SH3RF3: variants seen among roughly 807,000 people sequenced by gnomAD.
The protein encoded by SH3RF3 is SH3 domain containing ring finger 3.
SH3RF3 carries 29 observed loss-of-function variants against 66.3 expected under a neutral mutation model. The ratio of observed to expected loss-of-function variants is 0.44; its 90% CI spans 0.33 to 0.60. The LOEUF (loss-of-function observed/expected upper bound fraction) is 0.60, where lower values mean the gene tolerates loss of function less well. SH3RF3 is among the 20% of genes least tolerant of loss of function. SH3RF3 has a pLI of 0.04. For missense variants in SH3RF3, 1,194 were observed against 1,190.9 expected, an observed-to-expected ratio of 1.00 and a Z score of -0.04; for synonymous variants, 583 against 532.0, an observed-to-expected ratio of 1.10 and a Z score of -1.32.
At chr2:109,161,715 G>A (rs1335912662) in intron 1 of SH3RF3, among the ~76,000 whole-genome samples, 1 of 151,898 alleles carries the variant, frequency 6.6e-6, no homozygotes, top group Non-Finnish European at 1.5e-5. Context: ...GCCGGGAGCA[G>A]GACATGCCAG....
rs758658453 is a variant in SH3RF3, at chr2:109,263,216, G to A, written c.574-84458G>A. ...TTCATACTATCTTTTATAATGACCC[G>A]GCTGTCTTTACTAGTGCTCTTTGTC... On this transcript the variant is annotated intron_variant, in intron 1 of 9. Coordinates refer to ENST00000309415, the MANE Select transcript of SH3RF3 (RefSeq NM_001099289.3). Among the ~76,000 whole-genome samples, 13 of 152,070 alleles carry A rather than the reference G, an allele frequency of 8.5e-5. No individual in the cohort carries two copies. The South Asian group carries it at 1.7e-3, about 19-fold the overall frequency.
At chr2:109,192,224 C>T (rs2105027073) in intron 1 of SH3RF3, among the ~76,000 whole-genome samples, 1 of 152,306 alleles carries the variant, frequency 6.6e-6, no homozygotes, top group Admixed American at 6.5e-5. Context: ...ATGATTCTGT[C>T]TGTATCTAAG....
intron 1 of SH3RF3, among the ~76,000 whole-genome samples, chr2:109,316,899 A>T (rs145544601): frequency 1.3e-5 from 2 of 152,332 alleles, no homozygotes; most frequent in East Asian, 3.9e-4. Context: ...GGAAGTATAC[A>T]GTGCGTAGCC....
chr2:109,454,922 G>GA lies in SH3RF3; in HGVS notation c.2148+5444dup, dbSNP rs559267751. ...CTTATGGGAAATTCTTTATGGGCCA[G>GA]AAAAAAAAAAAGTTAACTCTCTCTT... On this transcript the variant is annotated intron_variant, in intron 8 of 9. Coordinates refer to ENST00000309415, the MANE Select transcript of SH3RF3 (RefSeq NM_001099289.3). 1.5e-3 allele frequency among the ~76,000 whole-genome samples: 218 copies of GA among 144,494 alleles called. 1 individual carries two copies. The highest frequency in any genetic ancestry group is 9.6e-3 in the South Asian group (44 of 4,586). The allele number at this position is 144,494 out of a possible 152,430, so 94.8% of individuals were successfully genotyped here.
chr2:109,319,503 A>G (rs1157342518), intron 1 of SH3RF3, among the ~76,000 whole-genome samples: 2 of 152,126 alleles, frequency 1.3e-5, no homozygotes, highest in African/African-American at 4.8e-5. Flanking sequence ...ACGGTGGTCA[A>G]GAGAAACACA....
At chr2:109,407,398 T>C (rs1353226174) in intron 4 of SH3RF3, among the ~76,000 whole-genome samples, 1 of 152,206 alleles carries the variant, frequency 6.6e-6, no homozygotes, top group African/African-American at 2.4e-5. Context: ...TGGGCAACTT[T>C]AAAATGCATC....
Position 109,307,458 on chromosome 2 carries a change from A to G in SH3RF3, c.574-40216A>G, listed in dbSNP as rs559817399. ...ATTATTATACTTTAAGTTTTAGGGT[A>G]CATGTGCACATTGTGCAGGTTAGTT... On this transcript the variant is annotated intron_variant, in intron 1 of 9. Coordinates refer to ENST00000309415, the MANE Select transcript of SH3RF3 (RefSeq NM_001099289.3). Among the ~76,000 whole-genome samples, 25 of 149,944 alleles carry G rather than the reference A, an allele frequency of 1.7e-4. No homozygotes were observed. The South Asian group carries it at 4.7e-3, about 28-fold the overall frequency.
chr2:109,317,365 G>A (rs1424744203), intron 1 of SH3RF3, among the ~76,000 whole-genome samples: 1 of 152,080 alleles, frequency 6.6e-6, no homozygotes, highest in African/African-American at 2.4e-5. Context: ...CCAGCCCCAG[G>A]GGGTGGAGGA....
chr2:109,300,514 G>A (rs541745709), intron 1 of SH3RF3, among the ~76,000 whole-genome samples: 1 of 152,204 alleles, frequency 6.6e-6, no homozygotes, highest in African/African-American at 2.4e-5. Flanking sequence ...AAGCCCTTGA[G>A]TGAGGAAAAG....
chr2:109,246,693 T>C (rs1328060889), intron 1 of SH3RF3, among the ~76,000 whole-genome samples: 1 of 152,200 alleles, frequency 6.6e-6, no homozygotes, highest in African/African-American at 2.4e-5. Context: ...TTGCCCTGGC[T>C]CGTCCTAAGG....
intron 1 of SH3RF3, among the ~76,000 whole-genome samples, chr2:109,262,204 AG>A (rs1317715563): frequency 6.6e-6 from 1 of 152,222 alleles, no homozygotes. Flanking sequence ...TCTTATTTAA[AG>A]AAGACCAACA....
intron 1 of SH3RF3, among the ~76,000 whole-genome samples, chr2:109,335,738 C>T (rs911513769): frequency 6.6e-6 from 1 of 152,200 alleles, no homozygotes; most frequent in Non-Finnish European, 1.5e-5. Flanking sequence ...AACCGCACCC[C>T]ACAAGTAACG....
chr2:109,149,231 T>G (rs1301106508), intron 1 of SH3RF3, among the ~76,000 whole-genome samples: 1 of 152,242 alleles, frequency 6.6e-6, no homozygotes, highest in East Asian at 1.9e-4. Context: ...TTATTCGGAC[T>G]TCTCTAGTCA....
At chr2:109,297,856 G>A (rs1574557707) in intron 1 of SH3RF3, among the ~76,000 whole-genome samples, 1 of 149,620 alleles carries the variant, frequency 6.7e-6, no homozygotes, top group South Asian at 2.1e-4. Context: ...GGGCCAGTTC[G>A]CCCCACCCAG....
chr2:109,492,714 A>C (rs1257744635), intron 9 of SH3RF3, among the ~76,000 whole-genome samples: 1 of 152,148 alleles, frequency 6.6e-6, no homozygotes, highest in Non-Finnish European at 1.5e-5. Context: ...GATTCAGCTG[A>C]GGACTTTCTG....
At chr2:109,242,974 T>C (rs1679822884) in intron 1 of SH3RF3, among the ~76,000 whole-genome samples, 1 of 152,264 alleles carries the variant, frequency 6.6e-6, no homozygotes, top group Admixed American at 6.5e-5. Flanking sequence ...GAGTCGGACT[T>C]CCGTGACTCA....
At chr2:109,424,879 C>A (rs548405050) in intron 5 of SH3RF3, among the ~76,000 whole-genome samples, 2 of 152,306 alleles carry the variant, frequency 1.3e-5, no homozygotes, top group African/African-American at 4.8e-5. Context: ...TAGAGTCGAA[C>A]ATCTCTCACT....
rs537101628 is a variant in SH3RF3, at chr2:109,501,212, A to G, written c.2481-291A>G. ...GCCAGGGCAGGAGCGTGGATATGAG[A>G]TGGGGGGCTGTGCTTGGGTGGAGAA... On this transcript the variant is annotated intron_variant, in intron 9 of 9. Transcript: ENST00000309415. Among the ~76,000 whole-genome samples, 8 of 152,166 alleles carry G rather than the reference A, an allele frequency of 5.3e-5. No individual in the cohort carries two copies. In the South Asian group the frequency reaches 1.7e-3, roughly 32 times the overall value.
At chr2:109,464,262 CCA>C (rs1678280520) in intron 8 of SH3RF3, among the ~76,000 whole-genome samples, 1 of 152,160 alleles carries the variant, frequency 6.6e-6, no homozygotes, top group African/African-American at 2.4e-5. Flanking sequence ...AGATACACAT[CCA>C]CACACAAATA....
Sources: allele counts gnomAD v4.1 joint callset (sites outside exome capture counted in the v4.1 genomes callset), GRCh38; gene constraint gnomAD v4.1.1; transcripts MANE v1.5; gene names NCBI Gene and HGNC (gene_info 2026-07-23, HGNC 2026-07-21).